The following COL6A5 variants were observed in gnomAD, a reference collection of about 807,000 sequenced individuals.
COL6A5 encodes the protein collagen alpha-5(VI) chain.
A neutral mutation model predicts 65.6 loss-of-function variants in COL6A5; 48 were observed. That is an observed-to-expected ratio of 0.73 (90% CI 0.58 to 0.93). The LOEUF (loss-of-function observed/expected upper bound fraction) is 0.93. Ranked by LOEUF, COL6A5 falls within the 40% of genes least tolerant of loss-of-function variation. COL6A5 has a pLI of 0.00. For missense variants in COL6A5, 914 were observed against 928.3 expected, an observed-to-expected ratio of 0.98 and a Z score of 0.20; for synonymous variants, 291 against 322.8, an observed-to-expected ratio of 0.90 and a Z score of 1.05.
chr3:130,482,427 A>G (rs1259660850), intron 7 of COL6A5, among the ~76,000 whole-genome samples: 1 of 152,190 alleles, frequency 6.6e-6, no homozygotes, highest in Non-Finnish European at 1.5e-5. Flanking sequence ...TACCAATACC[A>G]TGCTGTTTTG....
At chr3:130,348,301 G>A (rs1934578192) in intron 1 of COL6A5, among the ~76,000 whole-genome samples, 1 of 152,140 alleles carries the variant, frequency 6.6e-6, no homozygotes, top group African/African-American at 2.4e-5. Flanking sequence ...AGGCCCTGGT[G>A]TGTGATGTTC....
chr3:130,445,897 C>T (rs937747129), intron 4 of COL6A5, among the ~76,000 whole-genome samples: 35 of 152,186 alleles, frequency 2.3e-4, no homozygotes, highest in African/African-American at 7.9e-4. Context: ...TGTGAGTTAA[C>T]ACAGTCTTCC....
chr3:130,428,985 C>A (rs558745494), upstream of COL6A5, among the ~76,000 whole-genome samples: 10 of 152,324 alleles, frequency 6.6e-5, no homozygotes, highest in East Asian at 1.9e-3. Flanking sequence ...TCCCGGATTC[C>A]TCTCAGTTGA....
intron 10 of COL6A5, among the ~76,000 whole-genome samples, chr3:130,400,301 A>G (rs1477451894): frequency 6.6e-6 from 1 of 152,232 alleles, no homozygotes; most frequent in East Asian, 1.9e-4. Flanking sequence ...TCTCAGAGCA[A>G]CTATCTGATT....
At chr3:130,393,402 A>G (rs1487230488) in intron 7 of COL6A5, among the ~76,000 whole-genome samples, 2 of 151,392 alleles carry the variant, frequency 1.3e-5, no homozygotes, top group South Asian at 4.2e-4. Flanking sequence ...CACTCCTTCT[A>G]TTTTCCAGGT....
intron 4 of COL6A5, among the ~76,000 whole-genome samples, chr3:130,450,030 C>T (rs566475663): frequency 4.5e-4 from 69 of 152,204 alleles, no homozygotes; most frequent in African/African-American, 1.3e-3. Context: ...TCAACCACCC[C>T]GCCTCCTACT....
chr3:130,441,430 A>G lies in COL6A5; in HGVS notation c.1241+605A>G, dbSNP rs1709178328. Among the ~76,000 whole-genome samples, 5 of 152,194 alleles carry G rather than the reference A, an allele frequency of 3.3e-5. No individual in the cohort carries two copies. In the South Asian group the frequency reaches 1.0e-3, roughly 32 times the overall value. ...CTCATTGCATGAGTGCCAGGCTACAAATTGATGTATAAAGAAATAAACACA... is the reference window on the plus strand; with the variant it reads ...CTCATTGCATGAGTGCCAGGCTACAGATTGATGTATAAAGAAATAAACACA... On this transcript the variant is annotated intron_variant, in intron 3 of 7. Transcript: ENST00000512836.
Position 130,363,625 on chromosome 3 carries a change from G to A in COL6A5, c.-28-9986G>A, listed in dbSNP as rs1416461226. Among the ~76,000 whole-genome samples, 4 of 152,306 alleles carry A rather than the reference G, an allele frequency of 2.6e-5. No individual in the cohort carries two copies. In the East Asian group the frequency reaches 7.7e-4, roughly 29 times the overall value. ...GTTAAGAAGAACAGTGTGCTGTGGT[G>A]TATTTAAAAATGGTTTCCATTCCCC... On this transcript the variant is annotated intron_variant and NMD_transcript_variant, in intron 1 of 41. Transcript: ENST00000312481.
At chr3:130,419,281 A>G (rs1034104754) in intron 25 of COL6A5, among the ~76,000 whole-genome samples, 1 of 152,130 alleles carries the variant, frequency 6.6e-6, no homozygotes, top group African/African-American at 2.4e-5. Context: ...TAAGGTGACA[A>G]TAAGAGATAG....
chr3:130,469,092 C>T, exon 6 of COL6A5: 1 of 1,612,996 alleles, frequency 6.2e-7, no homozygotes, highest in South Asian at 1.1e-5. Flanking sequence ...GATTTGGTTA[C>T]TTATAACAGT....
At chr3:130,455,087 C>T (rs987530808) in intron 4 of COL6A5, among the ~76,000 whole-genome samples, 20 of 151,724 alleles carry the variant, frequency 1.3e-4, no homozygotes, top group Non-Finnish European at 2.8e-4. Flanking sequence ...CTGCAGTGAG[C>T]TGTGATTGCA....
At chr3:130,431,572 A>G (rs1392291580) in exon 1 of COL6A5, 4 of 1,551,508 alleles carry the variant, frequency 2.6e-6, no homozygotes, top group Non-Finnish European at 3.5e-6. Context: ...TTCCATTGTC[A>G]ATGACCTTAA....
At chr3:130,441,316 A>T (rs1709175686) in intron 3 of COL6A5, among the ~76,000 whole-genome samples, 1 of 152,152 alleles carries the variant, frequency 6.6e-6, no homozygotes, top group South Asian at 2.1e-4. Context: ...GAAGCCTGAG[A>T]TTCTACATTT....
intron 7 of COL6A5, among the ~76,000 whole-genome samples, chr3:130,472,880 T>C (rs1288923684): frequency 2.2e-5 from 3 of 139,520 alleles, no homozygotes; most frequent in Non-Finnish European, 4.6e-5. Flanking sequence ...AATATAGATA[T>C]AGTTAAAGCT....
At chr3:130,362,082 A>T (rs1269609103) in intron 1 of COL6A5, among the ~76,000 whole-genome samples, 1 of 150,818 alleles carries the variant, frequency 6.6e-6, no homozygotes. Flanking sequence ...TTCATTAATT[A>T]TTTTTTTTCA....
exon 5 of COL6A5, chr3:130,385,066 T>C (rs1936136051): frequency 1.3e-6 from 2 of 1,550,832 alleles, no homozygotes; most frequent in Non-Finnish European, 1.7e-6. Context: ...GAACTTATAC[T>C]GGGAAAGCTC....
In COL6A5 at chr3:130,376,337, G is replaced by T. The variant is rs756823659; in HGVS notation, c.168G>T (p.Met56Ile). The T allele has an allele frequency of 2.5e-6, 4 of 1,613,642 alleles. No homozygotes were observed. In the East Asian group the frequency reaches 8.9e-5, roughly 36 times the overall value. Residue 56 changes from methionine (M) to isoleucine (I), a missense_variant and NMD_transcript_variant, in exon 3 of 42, where the codon ATG (methionine) becomes ATT (isoleucine). Coordinates refer to the COL6A5 transcript ENST00000312481. ...TCGTGAAAACGTTCATCAACAAAAT[G>T]ATCAACAGTCTCCCCATAGAGGCCA... is the stretch of plus-strand genomic sequence containing the variant.
intron 29 of COL6A5, among the ~76,000 whole-genome samples, chr3:130,425,333 T>C (rs981816959): frequency 6.6e-6 from 1 of 152,122 alleles, no homozygotes; most frequent in Admixed American, 6.6e-5. Flanking sequence ...CAGTTGTCAT[T>C]TAGAACAGAG....
In COL6A5 at chr3:130,456,994, G is replaced by A. The variant is rs188205732; in HGVS notation, c.1544+1328G>A. Among the ~76,000 whole-genome samples, 207 of 152,184 alleles carry A rather than the reference G, an allele frequency of 1.4e-3. 1 individual carries two copies. Among genetic ancestry groups the A allele is most frequent in the Admixed American group, 7.0e-3 (107 of 15,282 alleles). On this transcript the variant is annotated intron_variant, in intron 5 of 7. Coordinates refer to ENST00000512836, the Ensembl canonical transcript of COL6A5. ...AGGCATCTTAGCTCAAAAAAAAGTA[G>A]TGATGCAGTAAAACTAGATACATGT...
Sources: gnomAD v4.1 joint callset for allele counts (sites outside exome capture counted in the v4.1 genomes callset) on GRCh38, gnomAD v4.1.1 for gene constraint, MANE v1.5 for transcripts, NCBI Gene and HGNC (gene_info 2026-07-23, HGNC 2026-07-21) for gene names.